Variants in MYBPC1 observed in about 807,000 individuals in gnomAD.
MYBPC1 encodes myosin binding protein C1.
MYBPC1 carries 52 observed loss-of-function variants against 147.1 expected under a neutral mutation model. The observed-to-expected ratio is 0.35, with a 90% CI of 0.28 to 0.45. The LOEUF (loss-of-function observed/expected upper bound fraction) is 0.45, where lower values mean the gene tolerates loss of function less well. MYBPC1 is among the 20% of genes least tolerant of loss of function. The pLI is 1.00. For synonymous variants in MYBPC1, 477 were observed against 475.9 expected, an observed-to-expected ratio of 1.00 and a Z score of -0.03; for missense variants, 1,228 against 1,440.3, an observed-to-expected ratio of 0.85 and a Z score of 2.39.
intron 18 of MYBPC1, among the ~76,000 whole-genome samples, chr12:101,656,790 C>G (rs543411359): frequency 6.6e-6 from 1 of 152,278 alleles, no homozygotes; most frequent in African/African-American, 2.4e-5. Context: ...TGGGCAGATT[C>G]AGCAGACAGA....
Position 101,673,577 on chromosome 12 carries a change from G to A in MYBPC1, c.2764G>A (p.Val922Met). Reference protein sequence around the residue: ...HSGKYDLQVKVDKFVETASID... With the variant: ...HSGKYDLQVKMDKFVETASID... ...TGGGAAATATGATCTGCAAGTCAAA[G>A]TGGACAAATTCGTGGAGACCGCATC... is the stretch of plus-strand genomic sequence containing the variant. The change falls in exon 25 of 32, where the codon GTG becomes ATG. Residue 922 changes from valine (V) to methionine (M), a missense_variant. Val to Met is a conservative substitution (Grantham distance 21, BLOSUM62 1). Around this residue, in one of 2 missense-constraint regions of MYBPC1, gnomAD observed 1,077 missense variants for 1,314.2 expected, o/e 0.82. Transcript: ENST00000361466. The A allele has an allele frequency of 6.2e-7, 1 of 1,614,174 alleles. No individual in the cohort carries two copies. The highest frequency in any genetic ancestry group is 1.6e-4 in the Middle Eastern group (1 of 6,062).
At chr12:101,612,354 G>T (rs1299884646) in intron 1 of MYBPC1, among the ~76,000 whole-genome samples, 1 of 152,146 alleles carries the variant, frequency 6.6e-6, no homozygotes, top group African/African-American at 2.4e-5. Flanking sequence ...TCAGGATTCA[G>T]ACCTAAGTCT....
At chr12:101,674,807 G>A (rs1406117371) in intron 25 of MYBPC1, among the ~76,000 whole-genome samples, 8 of 132,500 alleles carry the variant, frequency 6.0e-5, no homozygotes, top group African/African-American at 5.9e-5. Context: ...AGACTGCTGT[G>A]AGCCAAGATT....
At chr12:101,681,850 C>G (rs1951021669) in intron 29 of MYBPC1, among the ~76,000 whole-genome samples, 1 of 151,634 alleles carries the variant, frequency 6.6e-6, no homozygotes, top group African/African-American at 2.4e-5. Flanking sequence ...CTCAAGCAAT[C>G]CATCTGCCTT....
At chr12:101,621,165 T>C (rs1887291813) in intron 3 of MYBPC1, among the ~76,000 whole-genome samples, 1 of 152,240 alleles carries the variant, frequency 6.6e-6, no homozygotes, top group Non-Finnish European at 1.5e-5. Flanking sequence ...ACGATTTACC[T>C]TTAGGTGTCA....
chr12:101,660,142 A>C, intron 19 of MYBPC1: 1 of 403,608 alleles, frequency 2.5e-6, no homozygotes, highest in Non-Finnish European at 4.7e-6. Flanking sequence ...GTCCTTAGAC[A>C]ACTATCGAAG....
chr12:101,641,717 T>A (rs532998021), intron 10 of MYBPC1, among the ~76,000 whole-genome samples: 34 of 152,218 alleles, frequency 2.2e-4, no homozygotes, highest in African/African-American at 8.2e-4. Flanking sequence ...TGTAAGAAAA[T>A]TTTTAAAACC....
intron 1 of MYBPC1, among the ~76,000 whole-genome samples, chr12:101,601,495 C>G (rs1206390263): frequency 6.6e-6 from 1 of 152,130 alleles, no homozygotes; most frequent in Non-Finnish European, 1.5e-5. Flanking sequence ...TTGGCAGAGG[C>G]GGAGACCAGA....
At chr12:101,621,783 C>T (rs1430656057) in intron 3 of MYBPC1, among the ~76,000 whole-genome samples, 10 of 150,886 alleles carry the variant, frequency 6.6e-5, no homozygotes, top group East Asian at 4.0e-4. Flanking sequence ...TAAGAATGTA[C>T]ACATTCTACT....
chr12:101,638,628 C>CA (rs770661685), intron 10 of MYBPC1, among the ~76,000 whole-genome samples: 3 of 151,750 alleles, frequency 2.0e-5, no homozygotes, highest in Non-Finnish European at 4.4e-5. Context: ...AATCAATCAA[C>CA]AAAAATGTGA....
At chr12:101,634,450 C>T in intron 8 of MYBPC1, 104 bp from the exon 9 acceptor site, 2 of 940,108 alleles carry the variant, frequency 2.1e-6, no homozygotes, top group South Asian at 2.7e-5. Flanking sequence ...CCCCCCTTCA[C>T]CTGACATTCT....
chr12:101,660,225 T>C (rs1382117452), intron 19 of MYBPC1: 1 of 288,804 alleles, frequency 3.5e-6, no homozygotes, highest in African/African-American at 2.2e-5. Context: ...TCTGATGCTC[T>C]CCTCTTCTTA....
intron 27 of MYBPC1, 90 bp from the exon 28 acceptor site, chr12:101,678,012 A>G (rs1900386689): frequency 6.9e-7 from 1 of 1,458,406 alleles, no homozygotes; most frequent in Admixed American, 1.7e-5. Flanking sequence ...AGTTCAGGGA[A>G]GTTTTAATCA....
intron 28 of MYBPC1, 80 bp downstream of exon 28, chr12:101,678,318 A>C (rs1245653242): frequency 1.9e-6 from 3 of 1,570,882 alleles, no homozygotes; most frequent in Non-Finnish European, 2.6e-6. Flanking sequence ...AATGTAAACA[A>C]ATCCAGCTGC....
chr12:101,640,821 T>C (rs1891869234), intron 10 of MYBPC1, among the ~76,000 whole-genome samples: 1 of 152,162 alleles, frequency 6.6e-6, no homozygotes, highest in Non-Finnish European at 1.5e-5. Flanking sequence ...CTTCTCAAAG[T>C]ACACATGAGT....
rs529979328 is a variant in MYBPC1 at position 101,606,013 on chromosome 12, G to A, written c.26-8483G>A. On this transcript the variant is annotated intron_variant, in intron 1 of 31. Transcript: ENST00000361466. ...AGTTCGAGACCAGCCTGAGAAACATGGCGAAACTTCGTCTCTACTAAAAAT... is the reference window on the plus strand; with the variant it reads ...AGTTCGAGACCAGCCTGAGAAACATAGCGAAACTTCGTCTCTACTAAAAAT... 2.0e-5 allele frequency among the ~76,000 whole-genome samples: 3 copies of A among 152,074 alleles called. No homozygotes were observed. The South Asian group carries it at 6.2e-4, about 32-fold the overall frequency.
chr12:101,631,797 A>G (rs1889954558), intron 7 of MYBPC1, 78 bp downstream of exon 7: 1 of 1,593,982 alleles, frequency 6.3e-7, no homozygotes, highest in South Asian at 1.1e-5. Context: ...TTTCAGGTTC[A>G]GCTTTGAGAG....
rs825045 is a variant in MYBPC1 at position 101,651,253 on chromosome 12, A to T, written c.1386A>T (p.Thr462=). The part of the protein sequence containing the change: ...SVDLKPLKIL[T]PLTDQTVNLG... ...CAGTGAAACCTCTGAAGATTTTGAC[A>T]CCTCTGACTGATCAGACTGTAAATC... Residue 462 remains threonine (T), a synonymous_variant, in exon 16 of 32, where the codon ACA becomes ACT. Coordinates refer to ENST00000361466, the MANE Select transcript of MYBPC1 (RefSeq NM_002465.4). 0.058 allele frequency: 93,221 copies of T among 1,613,834 alleles called. 3,420 individuals are homozygous for T. The highest frequency in any genetic ancestry group is 0.18 in the African/African-American group (13,414 of 74,930).
intron 4 of MYBPC1, among the ~76,000 whole-genome samples, chr12:101,627,476 C>G (rs951442186): frequency 6.6e-6 from 1 of 152,174 alleles, no homozygotes; most frequent in Non-Finnish European, 1.5e-5. Context: ...CACCTGACCT[C>G]AAGTGATCCA....
Sources: allele counts gnomAD v4.1 joint callset (sites outside exome capture counted in the v4.1 genomes callset), GRCh38; gene constraint gnomAD v4.1.1; regional missense constraint gnomAD v4.1.1; transcripts MANE v1.5; gene names NCBI Gene and HGNC (gene_info 2026-07-23, HGNC 2026-07-21).